Variants in ADGRL3 observed in about 807,000 individuals in gnomAD.
ADGRL3 encodes the protein adhesion G protein-coupled receptor L3, also known as calcium-independent alpha-latrotoxin receptor 3.
In ADGRL3, 62 loss-of-function variants were observed where a neutral mutation model predicts 153.5. The observed-to-expected ratio is 0.40, with a 90% confidence interval of 0.33 to 0.50. The LOEUF (loss-of-function observed/expected upper bound fraction) is 0.50, where lower values mean the gene tolerates loss of function less well. Among genes scored for constraint, ADGRL3 ranks in the 20% least tolerant of loss-of-function variants. ADGRL3 has a pLI of 0.47. For synonymous variants in ADGRL3, 710 were observed against 672.5 expected (o/e 1.06, Z -0.86); for missense variants, 1,641 against 1,859.4 (o/e 0.88, Z 2.16).
At chr4:61,272,323 G>A (rs572018798) in intron 1 of ADGRL3, among the ~76,000 whole-genome samples, 1 of 151,930 alleles carries the variant, frequency 6.6e-6, no homozygotes, top group East Asian at 1.9e-4. Context: ...GAAGTCATCA[G>A]CCCTAGGTTT....
chr4:61,792,646 C>A (rs1393898086), intron 8 of ADGRL3, among the ~76,000 whole-genome samples: 1 of 151,754 alleles, frequency 6.6e-6, no homozygotes, highest in Admixed American at 6.6e-5. Context: ...CATGCCACCA[C>A]ACCCAGCTAA....
In ADGRL3 at chr4:61,682,056, T is replaced by C. The variant is rs552083640; in HGVS notation, c.583+5121T>C. 2.6e-5 allele frequency among the ~76,000 whole-genome samples: 4 copies of C among 152,162 alleles called. No homozygotes were observed. In the South Asian group the frequency reaches 8.3e-4, roughly 32 times the overall value. On this transcript the variant is annotated intron_variant, in intron 6 of 26. Coordinates refer to ENST00000683033, the MANE Select transcript of ADGRL3 (RefSeq NM_001387552.1). The stretch of plus-strand genomic sequence containing the variant: ...AATGATAAACACAAAAACTCTTGTC[T>C]GCAAATAAGACCTTATTAATTCAAA...
intron 6 of ADGRL3, among the ~76,000 whole-genome samples, chr4:61,705,892 G>A (rs1179599132): frequency 6.6e-6 from 1 of 152,178 alleles, no homozygotes; most frequent in Non-Finnish European, 1.5e-5. Context: ...GTAAACAGAT[G>A]TGCTGTTATT....
intron 1 of ADGRL3, among the ~76,000 whole-genome samples, chr4:61,334,414 T>C (rs1177732938): frequency 6.6e-6 from 1 of 152,158 alleles, no homozygotes; most frequent in Non-Finnish European, 1.5e-5. Context: ...TATTAGTTAC[T>C]TTCAACAAAG....
chr4:61,463,738 G>T (rs2097849816), intron 2 of ADGRL3, among the ~76,000 whole-genome samples: 1 of 152,152 alleles, frequency 6.6e-6, no homozygotes, highest in Admixed American at 6.5e-5. Flanking sequence ...AAAAATACCT[G>T]AAGTTTGCTG....
At chr4:61,254,816 T>C (rs940283762) in intron 1 of ADGRL3, among the ~76,000 whole-genome samples, 11 of 152,180 alleles carry the variant, frequency 7.2e-5, no homozygotes, top group South Asian at 2.1e-4. Flanking sequence ...AACTTAGTTT[T>C]ATCAGTCATT....
At chr4:61,563,439 TC>T (rs769235309) in intron 4 of ADGRL3, among the ~76,000 whole-genome samples, 3 of 152,160 alleles carry the variant, frequency 2.0e-5, no homozygotes, top group Non-Finnish European at 4.4e-5. Flanking sequence ...AAGTATTGGC[TC>T]AACTTAAAGT....
intron 5 of ADGRL3, among the ~76,000 whole-genome samples, chr4:61,608,768 A>G (rs2099042602): frequency 6.6e-6 from 1 of 152,218 alleles, no homozygotes; most frequent in Non-Finnish European, 1.5e-5. Context: ...ATTAATTGAC[A>G]ATAGTCTAAA....
intron 6 of ADGRL3, among the ~76,000 whole-genome samples, chr4:61,724,765 A>C (rs2096297440): frequency 6.6e-6 from 1 of 152,168 alleles, no homozygotes; most frequent in African/African-American, 2.4e-5. Context: ...AATGAACTTC[A>C]CATTTTTTTT....
In ADGRL3 at chr4:61,497,301, C is replaced by T. The variant is rs2098329798; in HGVS notation, c.8C>T (p.Pro3Leu). MWPSQLLIFMMLL... is the reference protein window; with the variant it reads MWLSQLLIFMMLL... ...ATACCTGAGTAGACAGCCATGTGGC[C>T]ATCGCAGCTACTAATTTTCATGATG... The change falls in exon 3 of 27, where the codon CCA becomes CTA. Residue 3 changes from proline (P) to leucine (L), a missense_variant. By Grantham distance (98) the Pro-to-Leu change is moderately conservative (BLOSUM62 -3). Around this residue, in one of 5 missense-constraint regions of ADGRL3, gnomAD observed 145 missense variants for 79.1 expected, o/e 1.83. Coordinates refer to ENST00000683033, the MANE Select transcript of ADGRL3 (RefSeq NM_001387552.1). The T allele has an allele frequency of 6.2e-7, 1 of 1,602,620 alleles. No individual in the cohort carries two copies. The highest frequency in any genetic ancestry group is 2.2e-5 in the East Asian group (1 of 44,554).
chr4:61,932,119 T>A (rs1414061914), intron 13 of ADGRL3, among the ~76,000 whole-genome samples: 1 of 152,092 alleles, frequency 6.6e-6, no homozygotes, highest in Non-Finnish European at 1.5e-5. Context: ...GTATATAAGA[T>A]CATGTCATCT....
intron 5 of ADGRL3, among the ~76,000 whole-genome samples, chr4:61,664,507 A>T (rs2094714152): frequency 6.6e-6 from 1 of 152,180 alleles, no homozygotes; most frequent in Admixed American, 6.5e-5. Flanking sequence ...TTATACATGC[A>T]TACAGCTACA....
At chr4:61,216,995 G>T (rs967303803) in intron 1 of ADGRL3, among the ~76,000 whole-genome samples, 1 of 152,150 alleles carries the variant, frequency 6.6e-6, no homozygotes, top group Non-Finnish European at 1.5e-5. Flanking sequence ...TCTTTAAATT[G>T]TTCTGCTATT....
intron 2 of ADGRL3, among the ~76,000 whole-genome samples, chr4:61,464,952 G>C (rs544465966): frequency 6.6e-6 from 1 of 152,176 alleles, no homozygotes; most frequent in South Asian, 2.1e-4. Flanking sequence ...CCTACCTTCT[G>C]AATCTCAAAC....
chr4:61,480,330 G>A (rs887554761), intron 2 of ADGRL3, among the ~76,000 whole-genome samples: 3 of 152,004 alleles, frequency 2.0e-5, no homozygotes, highest in African/African-American at 7.2e-5. Flanking sequence ...ATGCCATCCA[G>A]GTTCATTCAT....
intron 5 of ADGRL3, among the ~76,000 whole-genome samples, chr4:61,657,540 T>A (rs7655854): frequency 5.1e-4 from 77 of 152,274 alleles, no homozygotes; most frequent in Middle Eastern, 6.8e-3. Flanking sequence ...TCAGTTTTTT[T>A]AATGGGATAT....
chr4:61,291,575 T>C (rs369813087), intron 1 of ADGRL3, among the ~76,000 whole-genome samples: 15 of 14,126 alleles, frequency 1.1e-3, no homozygotes, highest in Admixed American at 4.4e-3. Context: ...TACATATATA[T>C]ATATATACAT....
At chr4:61,574,790 A>G (rs2098860012) in intron 4 of ADGRL3, among the ~76,000 whole-genome samples, 1 of 151,874 alleles carries the variant, frequency 6.6e-6, no homozygotes. Context: ...TGTTCATTTC[A>G]CTTTATAATC....
chr4:62,037,735 G>A lies in ADGRL3; in HGVS notation c.3596G>A (p.Arg1199Gln), dbSNP rs760531521. ...AGTTAATATTTAATTGGCTAGGTAC[G>A]AAAAGAGTATGGGAAATGCCTGCGA... ...IFHCVLQKKVRKEYGKCLRTH... is the reference protein window; with the variant it reads ...IFHCVLQKKVQKEYGKCLRTH... Residue 1199 changes from arginine to glutamine, a missense_variant, in exon 24 of 27, where the codon CGA becomes CAA. Transcript: ENST00000683033. 42 of 1,613,552 alleles carry A rather than the reference G, an allele frequency of 2.6e-5. No homozygotes were observed. The highest frequency in any genetic ancestry group is 1.8e-4 in the East Asian group (8 of 44,836).
Sources: gnomAD v4.1 joint callset for allele counts (sites outside exome capture counted in the v4.1 genomes callset) on GRCh38, gnomAD v4.1.1 for gene constraint, gnomAD v4.1.1 regional missense constraint, MANE v1.5 for transcripts, NCBI Gene and HGNC (gene_info 2026-07-23, HGNC 2026-07-21) for gene names.